The following GTF3C1 variants were observed in gnomAD, a reference collection of about 807,000 sequenced individuals.
GTF3C1 encodes the protein general transcription factor 3C polypeptide 1.
In GTF3C1, 57 loss-of-function variants were observed where a neutral mutation model predicts 226.7. That is an observed-to-expected ratio of 0.25 (90% CI 0.20 to 0.31). The LOEUF (loss-of-function observed/expected upper bound fraction) is 0.31, where lower values mean the gene tolerates loss of function less well. Ranked by LOEUF, GTF3C1 falls within the 10% of genes least tolerant of loss-of-function variation. GTF3C1 has a pLI of 1.00. For missense variants in GTF3C1, 2,217 were observed against 2,776.1 expected (o/e 0.80, Z 4.53); for synonymous variants, 1,090 against 1,084.8 (o/e 1.00, Z -0.09).
chr16:27,480,201 C>CA (rs35428757), intron 27 of GTF3C1, among the ~76,000 whole-genome samples: 2,672 of 59,894 alleles, frequency 0.045, 41 homozygotes, highest in Middle Eastern at 0.071. Flanking sequence ...GACTCCATCT[C>CA]AAAAAAAAAA....
At chr16:27,519,383 G>C (rs952084926) in intron 6 of GTF3C1, among the ~76,000 whole-genome samples, 1 of 152,166 alleles carries the variant, frequency 6.6e-6, no homozygotes, top group African/African-American at 2.4e-5. Context: ...TTCTGCAGTG[G>C]ACATGGAAGC....
At chr16:27,491,401 T>A (rs1175567275) in intron 19 of GTF3C1, among the ~76,000 whole-genome samples, 1 of 152,192 alleles carries the variant, frequency 6.6e-6, no homozygotes, top group Non-Finnish European at 1.5e-5. Flanking sequence ...CTCCATGCAT[T>A]TGATCCACAT....
chr16:27,466,386 C>T (rs920916605), intron 32 of GTF3C1: 1 of 152,188 alleles, frequency 6.6e-6, no homozygotes, highest in East Asian at 1.9e-4. Context: ...TGTTTTGGGG[C>T]ACCACAAACC....
Position 27,488,552 on chromosome 16 carries a change from A to G in GTF3C1, c.3511+2T>C. 2 of 1,612,566 alleles carry G rather than the reference A, an allele frequency of 1.2e-6. No individual in the cohort carries two copies. The highest frequency in any genetic ancestry group is 1.7e-6 in the Non-Finnish European group (2 of 1,178,648). On this transcript the variant is annotated splice_donor_variant, in intron 22 of 36. Transcript: ENST00000356183. LOFTEE classifies it high-confidence loss of function. ...TCTGGGGTGAACTCCCAGCACACGT[A>G]CCTCTGGCACTGAGGGGCATTGGGC...
intron 11 of GTF3C1, among the ~76,000 whole-genome samples, 197 bp downstream of exon 11, chr16:27,502,662 G>A (rs1377158014): frequency 6.6e-6 from 1 of 151,982 alleles, no homozygotes; most frequent in Non-Finnish European, 1.5e-5. Flanking sequence ...TTTTGAGGAG[G>A]AGATACTCCT....
intron 16 of GTF3C1, among the ~76,000 whole-genome samples, chr16:27,493,516 G>A (rs1332175388): frequency 6.6e-6 from 1 of 152,158 alleles, no homozygotes; most frequent in African/African-American, 2.4e-5. Context: ...ATAAACAGGT[G>A]CCCTCATACC....
chr16:27,516,783 C>T (rs1201438473), intron 6 of GTF3C1, among the ~76,000 whole-genome samples: 1 of 152,200 alleles, frequency 6.6e-6, no homozygotes, highest in African/African-American at 2.4e-5. Context: ...CAGACATACA[C>T]CACCATGCTC....
intron 2 of GTF3C1, among the ~76,000 whole-genome samples, chr16:27,540,836 G>A (rs188333624): frequency 9.9e-4 from 150 of 152,132 alleles, no homozygotes; most frequent in Non-Finnish European, 2.0e-3. Flanking sequence ...CCCTCAAGGA[G>A]ATGACTCTTT....
chr16:27,516,340 C>A (rs1216101319), intron 6 of GTF3C1, among the ~76,000 whole-genome samples: 1 of 152,250 alleles, frequency 6.6e-6, no homozygotes, highest in South Asian at 2.1e-4. Context: ...ACCCACAAGG[C>A]ACCCATGACC....
At chr16:27,475,353 C>T (rs922171386) in intron 29 of GTF3C1, among the ~76,000 whole-genome samples, 3 of 152,156 alleles carry the variant, frequency 2.0e-5, no homozygotes, top group African/African-American at 7.2e-5. Flanking sequence ...TTAGGAAAGT[C>T]CCTTTGTTTT....
chr16:27,512,573 T>C (rs901067944), intron 6 of GTF3C1, among the ~76,000 whole-genome samples: 6 of 152,210 alleles, frequency 3.9e-5, no homozygotes, highest in Non-Finnish European at 5.9e-5. Context: ...AGGGGTGGCA[T>C]ACCTACCAGC....
At chr16:27,478,176 A>T (rs1300818259) in intron 28 of GTF3C1, among the ~76,000 whole-genome samples, 1 of 149,146 alleles carries the variant, frequency 6.7e-6, no homozygotes, top group African/African-American at 2.5e-5. Flanking sequence ...ATCTCAAAAG[A>T]AAAAAAAAAG....
In GTF3C1 at chr16:27,463,969, CA is replaced by C; in HGVS notation, c.5872+350del. 1 of 423,604 alleles carries C rather than the reference CA, an allele frequency of 2.4e-6. No homozygotes were observed. Among genetic ancestry groups the C allele is most frequent in the South Asian group, 3.7e-5 (1 of 26,842 alleles). The allele number at this position is 423,604 out of a possible 1,614,324, so 26.2% of individuals were successfully genotyped here. ...CACATGAGAAGGCCGCTGCTGATGA[CA>C]GACGTGCAGGAAAGGAAAGGGCGTG... On this transcript the variant is annotated intron_variant, in intron 34 of 36. Coordinates refer to ENST00000356183, the MANE Select transcript of GTF3C1 (RefSeq NM_001520.4). This position sits in a 1 kb window ranked among gnomAD's most constrained non-coding sequence, Gnocchi z 4.9.
At position 27,537,831 on chromosome 16, in the gene GTF3C1, G is replaced by A. The variant is rs1480134352; in HGVS notation, c.705C>T (p.Ala235=). 17 of 1,612,252 alleles carry A rather than the reference G, an allele frequency of 1.1e-5. No homozygotes were observed. The highest frequency in any genetic ancestry group is 1.6e-4 in the Middle Eastern group (1 of 6,078). The change falls in exon 4 of 37, where the codon GCC becomes GCT. Residue 235 remains alanine, a synonymous_variant. Coordinates refer to ENST00000356183, the MANE Select transcript of GTF3C1 (RefSeq NM_001520.4). The part of the protein sequence containing the change: ...QSHVIRLPTG[A]QQHSILLLLN... ...GTAGGAGGAGGATTGAGTGTTGCTG[G>A]GCTCCAGTGGGTAATCGGATCACAT...
chr16:27,545,166 A>G lies in GTF3C1; in HGVS notation c.431+148T>C, dbSNP rs561590216. On this transcript the variant is annotated intron_variant, in intron 2 of 36. Coordinates refer to ENST00000356183, the MANE Select transcript of GTF3C1 (RefSeq NM_001520.4). ...TAATTTTTGTATTTTTAGTAGAAAC[A>G]GCGTTTTGCCATGTTGGCCAGGCTG... 2.1e-5 allele frequency: 14 copies of G among 654,884 alleles called. No individual in the cohort carries two copies. The South Asian group carries it at 2.5e-4, about 12-fold the overall frequency. The allele number at this position is 654,884 out of a possible 1,614,324, so 40.6% of individuals were successfully genotyped here. A position where few individuals can be genotyped will look rare whatever the true frequency, so the allele number is the denominator to read the frequency against.
At position 27,460,658 on chromosome 16, in the gene GTF3C1, C is replaced by T. The variant is rs1220152938; in HGVS notation, c.*692G>A. On this transcript the variant is annotated 3_prime_UTR_variant, in exon 37 of 37. Transcript: ENST00000356183. ...TCAAAAAATAAATAAGTACACTCCACAGGGACTTTTTTTTTTTAATGAGGA... is the reference window on the plus strand; with the variant it reads ...TCAAAAAATAAATAAGTACACTCCATAGGGACTTTTTTTTTTTAATGAGGA... The T allele has an allele frequency of 6.6e-6, 1 of 151,880 alleles. No individual in the cohort carries two copies. Among genetic ancestry groups the T allele is most frequent in the African/African-American group, 2.4e-5 (1 of 41,338 alleles). The allele number at this position is 151,880 out of a possible 1,614,324, so 9.4% of individuals were successfully genotyped here. A position where few individuals can be genotyped will look rare whatever the true frequency, so the allele number is the denominator to read the frequency against.
chr16:27,548,171 C>T (rs1384593155), intron 1 of GTF3C1, among the ~76,000 whole-genome samples: 1 of 152,222 alleles, frequency 6.6e-6, no homozygotes, highest in African/African-American at 2.4e-5. Context: ...TCCAATTCCA[C>T]ACTTCAGCCA....
chr16:27,513,387 G>A (rs1015630106), intron 6 of GTF3C1, among the ~76,000 whole-genome samples: 2 of 152,206 alleles, frequency 1.3e-5, no homozygotes, highest in Admixed American at 6.5e-5. Flanking sequence ...CTGGGAGGTC[G>A]AGGTTGCAGT....
chr16:27,502,847 A>G lies in GTF3C1; in HGVS notation c.1907+12T>C. 6.4e-7 allele frequency: 1 copy of G among 1,557,040 alleles called. No homozygotes were observed. On this transcript the variant is annotated intron_variant, in intron 11 of 36. Coordinates refer to ENST00000356183, the MANE Select transcript of GTF3C1 (RefSeq NM_001520.4). The stretch of plus-strand genomic sequence containing the variant: ...TGCCAGCAGACAGACAGACAGACAG[A>G]CAGCTCCTTACGTGAATAAACTCTC...
Sources: gnomAD v4.1 joint callset for allele counts (sites outside exome capture counted in the v4.1 genomes callset) on GRCh38, gnomAD v4.1.1 for gene constraint, Gnocchi (gnomAD v3.1) non-coding constraint, MANE v1.5 for transcripts, NCBI Gene and HGNC (gene_info 2026-07-23, HGNC 2026-07-21) for gene names.